The following NUDCD3 variants were observed in gnomAD, a reference collection of about 807,000 sequenced individuals.
NUDCD3 encodes nudC domain-containing protein 3.
Under a neutral mutation model 39.7 loss-of-function variants are expected in NUDCD3, and 13 were observed. That is an observed-to-expected ratio of 0.33 (90% CI 0.21 to 0.52). The LOEUF is 0.52. Among genes scored for constraint, NUDCD3 ranks in the 20% least tolerant of loss-of-function variants. The pLI, the probability that NUDCD3 is intolerant of heterozygous loss-of-function variation, is 0.96. For synonymous variants in NUDCD3, 175 were observed against 172.4 expected, an observed-to-expected ratio of 1.02 and a Z score of -0.12; for missense variants, 453 against 458.1, an observed-to-expected ratio of 0.99 and a Z score of 0.10.
At position 44,392,162 on chromosome 7, in the gene NUDCD3, A is replaced by G. The variant is rs1418294094; in HGVS notation, c.975+135T>C. On this transcript the variant is annotated intron_variant, in intron 5 of 5. Transcript: ENST00000355451. ...GAGCAGGTAAGACAGGTTCCTTGCTAGGCTAGGACATGGCAGGAAGCTGGT... is the reference window on the plus strand; with the variant it reads ...GAGCAGGTAAGACAGGTTCCTTGCTGGGCTAGGACATGGCAGGAAGCTGGT... The G allele has an allele frequency of 3.9e-6, 3 of 768,326 alleles. No individual in the cohort carries two copies. The African/African-American group carries it at 5.3e-5, about 13-fold the overall frequency. 47.6% of individuals were successfully genotyped at this position (768,326 alleles called of 1,614,324 possible).
chr7:44,455,042 CTCT>C (rs1205877251), intron 2 of NUDCD3, among the ~76,000 whole-genome samples: 4 of 152,180 alleles, frequency 2.6e-5, no homozygotes, highest in Admixed American at 2.6e-4. Context: ...TTACAAGCTC[CTCT>C]TCTTAATTGC....
intron 2 of NUDCD3, among the ~76,000 whole-genome samples, chr7:44,477,871 T>C (rs1371714312): frequency 6.8e-6 from 1 of 147,992 alleles, no homozygotes; most frequent in Non-Finnish European, 1.5e-5. Flanking sequence ...CTCTGCTCTG[T>C]CGCCCAGGCT....
chr7:44,479,861 G>C (rs992316854), intron 2 of NUDCD3, among the ~76,000 whole-genome samples: 1 of 152,196 alleles, frequency 6.6e-6, no homozygotes, highest in Non-Finnish European at 1.5e-5. Flanking sequence ...GGTAGAACAA[G>C]GAAAAGGATG....
intron 2 of NUDCD3, among the ~76,000 whole-genome samples, chr7:44,479,858 C>A (rs959546947): frequency 6.6e-6 from 1 of 152,188 alleles, no homozygotes; most frequent in African/African-American, 2.4e-5. Context: ...AAAGGTAGAA[C>A]AAGGAAAAGG....
chr7:44,482,218 A>C (rs918845697), intron 2 of NUDCD3, among the ~76,000 whole-genome samples: 7 of 152,180 alleles, frequency 4.6e-5, no homozygotes, highest in Non-Finnish European at 8.8e-5. Flanking sequence ...AAAACTGCAC[A>C]TGTGTAAAGT....
At chr7:44,488,354 A>G (rs167400) in intron 1 of NUDCD3, among the ~76,000 whole-genome samples, 2,539 of 151,692 alleles carry the variant, frequency 0.017, 62 homozygotes, top group African/African-American at 0.057. Context: ...AAAAAAAAAA[A>G]AAAGAAAGAA....
intron 2 of NUDCD3, among the ~76,000 whole-genome samples, chr7:44,439,788 G>T (rs1185958030): frequency 6.6e-6 from 1 of 151,962 alleles, no homozygotes; most frequent in Non-Finnish European, 1.5e-5. Flanking sequence ...AATGAGGGAA[G>T]GGGACAAATC....
chr7:44,490,637 C>A lies in NUDCD3; in HGVS notation c.-37G>T. On this transcript the variant is annotated 5_prime_UTR_variant, in exon 1 of 6. Transcript: ENST00000355451. ...CCCTAGGTACGCTTCACACACACAG[C>A]GCCGCCTCAGACCTGCCGACTGGCC... 1 of 1,555,712 alleles carries A rather than the reference C, an allele frequency of 6.4e-7. No homozygotes were observed. The highest frequency in any genetic ancestry group is 8.7e-7 in the Non-Finnish European group (1 of 1,151,972).
chr7:44,383,869 C>T lies in NUDCD3; in HGVS notation c.*2142G>A, dbSNP rs142409935. On this transcript the variant is annotated 3_prime_UTR_variant, in exon 6 of 6. Transcript: ENST00000355451. ...ACAGCGTGGCTCAACGGGAGCAAGG[C>T]GCGCAGGGACAGGCTCCACAACCAC... 1.4e-3 allele frequency: 214 copies of T among 152,404 alleles called. No homozygotes were observed. The highest frequency in any genetic ancestry group is 3.4e-3 in the Middle Eastern group (1 of 296). The allele number at this position is 152,404 out of a possible 1,614,324, so 9.4% of individuals were successfully genotyped here.
At chr7:44,413,149 C>T (rs1028307812) in intron 3 of NUDCD3, 1 of 151,882 alleles carries the variant, frequency 6.6e-6, no homozygotes, top group Middle Eastern at 3.2e-3. Flanking sequence ...AACTTGAATA[C>T]ATAAAAATTA....
chr7:44,486,034 C>T (rs184368887), intron 1 of NUDCD3, among the ~76,000 whole-genome samples: 2 of 152,282 alleles, frequency 1.3e-5, no homozygotes, highest in African/African-American at 2.4e-5. Context: ...GCATGTCTGG[C>T]GAAAGAAATC....
At position 44,384,326 on chromosome 7, in the gene NUDCD3, T is replaced by C. The variant is rs1798362597; in HGVS notation, c.*1685A>G. The C allele has an allele frequency of 6.6e-6, 1 of 152,124 alleles. No homozygotes were observed. The highest frequency in any genetic ancestry group is 1.5e-5 in the Non-Finnish European group (1 of 68,026). 9.4% of individuals were successfully genotyped at this position (152,124 alleles called of 1,614,324 possible). A position where few individuals can be genotyped will look rare whatever the true frequency, so the allele number is the denominator to read the frequency against. On this transcript the variant is annotated 3_prime_UTR_variant, in exon 6 of 6. Coordinates refer to ENST00000355451, the MANE Select transcript of NUDCD3 (RefSeq NM_015332.4). ...GAACTCCAGGAAAAAAAATGACAAG[T>C]CTTTCTCAGGACCCCTCATAGATGA... is the stretch of plus-strand genomic sequence containing the variant.
At position 44,412,937 on chromosome 7, in the gene NUDCD3, AAAAAAG is replaced by A. The variant is rs1345736045; in HGVS notation, c.643-8360_643-8355del. The stretch of plus-strand genomic sequence containing the variant: ...GCGAGACGCCGTCTCAAAAAAAAAA[AAAAAAG>A]AAAAAAAAAAAGAAAGAAACCATTG... On this transcript the variant is annotated intron_variant, in intron 3 of 5. Coordinates refer to ENST00000355451, the MANE Select transcript of NUDCD3 (RefSeq NM_015332.4). Among the ~76,000 whole-genome samples, 88 of 146,186 alleles carry A rather than the reference AAAAAAG, an allele frequency of 6.0e-4. 1 individual carries two copies. Among genetic ancestry groups the A allele is most frequent in the African/African-American group, 2.3e-3 (87 of 38,104 alleles).
intron 4 of NUDCD3, chr7:44,402,739 C>T (rs764740879): frequency 6.6e-6 from 3 of 455,898 alleles, no homozygotes; most frequent in South Asian, 1.6e-5. Context: ...AGAGTCAAGG[C>T]CAGTGTTTTA....
chr7:44,429,440 G>A (rs950741210), intron 2 of NUDCD3, among the ~76,000 whole-genome samples: 3 of 152,142 alleles, frequency 2.0e-5, no homozygotes, highest in African/African-American at 7.2e-5. Context: ...AGGACCGCAG[G>A]CCACCACCTA....
chr7:44,467,749 T>G, intron 2 of NUDCD3: 2 of 632,568 alleles, frequency 3.2e-6, no homozygotes, highest in Non-Finnish European at 5.5e-6. Context: ...ACTATCTCAT[T>G]TAATCCTTAC....
At chr7:44,462,617 C>T (rs903112404) in intron 2 of NUDCD3, among the ~76,000 whole-genome samples, 3 of 152,220 alleles carry the variant, frequency 2.0e-5, no homozygotes, top group Non-Finnish European at 4.4e-5. Flanking sequence ...GGCCCTGCCT[C>T]CTGGGAGTTT....
At position 44,480,738 on chromosome 7, in the gene NUDCD3, T is replaced by C. The variant is rs192255178; in HGVS notation, c.509+4230A>G. On this transcript the variant is annotated intron_variant, in intron 2 of 5. Coordinates refer to ENST00000355451, the MANE Select transcript of NUDCD3 (RefSeq NM_015332.4). ...GAGTGGATCACTTGAGCTCACCAGT[T>C]CGACACCAGCCTGGGCAACATGGTA... is the stretch of plus-strand genomic sequence containing the variant. 1.9e-3 allele frequency among the ~76,000 whole-genome samples: 289 copies of C among 152,118 alleles called. 1 individual carries two copies. Among genetic ancestry groups the C allele is most frequent in the Admixed American group, 3.9e-3 (60 of 15,284 alleles).
chr7:44,400,659 T>C (rs775333160), intron 4 of NUDCD3, among the ~76,000 whole-genome samples: 1 of 152,204 alleles, frequency 6.6e-6, no homozygotes, highest in Non-Finnish European at 1.5e-5. Context: ...AAGGTGTCAG[T>C]AGGGCCATGC....
Sources: allele counts gnomAD v4.1 joint callset (sites outside exome capture counted in the v4.1 genomes callset), GRCh38; gene constraint gnomAD v4.1.1; transcripts MANE v1.5; gene names NCBI Gene and HGNC (gene_info 2026-07-23, HGNC 2026-07-21).